Variants in TMEM272 observed in about 807,000 individuals in gnomAD.
TMEM272 encodes the protein transmembrane protein 272.
TMEM272 carries 8 observed loss-of-function variants against 3.7 expected under a neutral mutation model. The observed-to-expected ratio is 2.17, with a 90% confidence interval of 1.27 to 3.91. The LOEUF (loss-of-function observed/expected upper bound fraction) is 3.91, where lower values mean the gene tolerates loss of function less well. Among genes scored for constraint, TMEM272 ranks in the 30% most tolerant of loss-of-function variants. The pLI, the probability that TMEM272 is intolerant of heterozygous loss-of-function variation, is 0.00. For synonymous variants in TMEM272, 63 were observed against 39.8 expected (o/e 1.58, Z -2.20); for missense variants, 166 against 91.5 (o/e 1.81, Z -3.32).
chr13:51,889,633 T>TC, the TMEM272 span, among the ~76,000 whole-genome samples: 3 of 148,024 alleles, frequency 2.0e-5, no homozygotes, highest in East Asian at 3.9e-4. Context: ...TTTGTGTGTG[T>TC]GTGGGGGGGT....
the TMEM272 span, among the ~76,000 whole-genome samples, chr13:51,897,909 A>C: frequency 2.1e-5 from 2 of 96,040 alleles, no homozygotes; most frequent in African/African-American, 8.7e-5. Context: ...CCTGGGTGAC[A>C]GGGTGAGACT....
chr13:51,884,314 A>G, the TMEM272 span, among the ~76,000 whole-genome samples: 1 of 152,212 alleles, frequency 6.6e-6, no homozygotes, highest in Non-Finnish European at 1.5e-5. Context: ...GAAAGTGAAA[A>G]TTGGTTGTGG....
chr13:51,883,801 T>C, the TMEM272 span, among the ~76,000 whole-genome samples: 38 of 152,184 alleles, frequency 2.5e-4, no homozygotes, highest in Non-Finnish European at 5.4e-4. Context: ...ATGATGACAC[T>C]TGAATTGTGC....
intron 2 of TMEM272, among the ~76,000 whole-genome samples, chr13:51,833,617 A>G (rs1956191348): frequency 6.6e-6 from 1 of 152,138 alleles, no homozygotes; most frequent in African/African-American, 2.4e-5. Flanking sequence ...CGGAAATGTG[A>G]GGGACAGAAA....
chr13:51,918,849 T>TG, the TMEM272 span, among the ~76,000 whole-genome samples: 1 of 145,818 alleles, frequency 6.9e-6, no homozygotes, highest in African/African-American at 2.6e-5. Flanking sequence ...GGTTTTGCCA[T>TG]GTTGCCCAGG....
At chr13:51,891,687 G>A in the TMEM272 span, among the ~76,000 whole-genome samples, 1 of 152,148 alleles carries the variant, frequency 6.6e-6, no homozygotes, top group Non-Finnish European at 1.5e-5. Flanking sequence ...GCAGGGGTGG[G>A]TTGCAGGAGA....
At chr13:51,859,537 C>CAT in the TMEM272 span, among the ~76,000 whole-genome samples, 1 of 151,734 alleles carries the variant, frequency 6.6e-6, no homozygotes, top group Non-Finnish European at 1.5e-5. Flanking sequence ...CACACACACA[C>CAT]ACACACACAC....
At chr13:51,838,398 C>A in intron 2 of TMEM272, 75 bp downstream of exon 2, 2 of 702,816 alleles carry the variant, frequency 2.8e-6, no homozygotes, top group Non-Finnish European at 5.2e-6. Flanking sequence ...TGATCCACTC[C>A]AGCTTTAGCT....
chr13:51,930,668 T>G, the TMEM272 span: 1 of 151,282 alleles, frequency 6.6e-6, no homozygotes, highest in African/African-American at 2.4e-5. Flanking sequence ...TTAAGAAAAA[T>G]GTATGCAAAT....
the TMEM272 span, among the ~76,000 whole-genome samples, chr13:51,854,616 C>A: frequency 3.3e-5 from 5 of 152,168 alleles, no homozygotes; most frequent in Non-Finnish European, 7.3e-5. Flanking sequence ...TGGTTCAAAT[C>A]TAGGCTCTAC....
the TMEM272 span, among the ~76,000 whole-genome samples, chr13:51,912,892 G>A: frequency 6.6e-6 from 1 of 152,204 alleles, no homozygotes; most frequent in Non-Finnish European, 1.5e-5. Context: ...TAGACGGATG[G>A]AAATGACAAT....
chr13:51,918,089 G>C, the TMEM272 span, among the ~76,000 whole-genome samples: 1 of 152,106 alleles, frequency 6.6e-6, no homozygotes, highest in African/African-American at 2.4e-5. Context: ...CCTCATCCCT[G>C]CATGCTCAAA....
chr13:51,846,491 T>C (rs2139597338), upstream of TMEM272, among the ~76,000 whole-genome samples: 1 of 146,990 alleles, frequency 6.8e-6, no homozygotes, highest in African/African-American at 2.5e-5. Flanking sequence ...TACTTTACAG[T>C]AATAAAAAAC....
chr13:51,882,023 G>A, the TMEM272 span, among the ~76,000 whole-genome samples: 5 of 152,136 alleles, frequency 3.3e-5, no homozygotes, highest in Non-Finnish European at 7.4e-5. Context: ...TAAAGACAAC[G>A]ATAAAGAAAA....
At chr13:51,896,758 T>C in the TMEM272 span, among the ~76,000 whole-genome samples, 1 of 152,182 alleles carries the variant, frequency 6.6e-6, no homozygotes, top group Non-Finnish European at 1.5e-5. Flanking sequence ...TTTGGTCGGC[T>C]TGGGGGTCTG....
At chr13:51,921,924 A>ATGTG in the TMEM272 span, among the ~76,000 whole-genome samples, 3 of 151,498 alleles carry the variant, frequency 2.0e-5, no homozygotes, top group Admixed American at 6.6e-5. Context: ...GTGTGTGTGT[A>ATGTG]TGTGTGTGTG....
chr13:51,920,766 T>G, the TMEM272 span, among the ~76,000 whole-genome samples: 8 of 152,230 alleles, frequency 5.3e-5, no homozygotes, highest in East Asian at 1.5e-3. Context: ...TATTGCTGTC[T>G]CTTTGTTCCA....
the TMEM272 span, among the ~76,000 whole-genome samples, chr13:51,913,358 T>A: frequency 7.2e-5 from 11 of 152,126 alleles, no homozygotes. Context: ...TTTTAAAAAA[T>A]AGTATTGGCG....
At chr13:51,826,935 T>C (rs1403297058) in intron 2 of TMEM272, among the ~76,000 whole-genome samples, 1 of 152,200 alleles carries the variant, frequency 6.6e-6, no homozygotes, top group Non-Finnish European at 1.5e-5. Context: ...ACTGTGCCCG[T>C]GCCAGGATGC....
Sources: gnomAD v4.1 joint callset for allele counts (sites outside exome capture counted in the v4.1 genomes callset) on GRCh38, gnomAD v4.1.1 for gene constraint, MANE v1.5 for transcripts, NCBI Gene and HGNC (gene_info 2026-07-23, HGNC 2026-07-21) for gene names.